CNBD1: variants seen among roughly 807,000 people sequenced by gnomAD.
The protein encoded by CNBD1 is cyclic nucleotide-binding domain-containing protein 1.
A neutral mutation model predicts 54.4 loss-of-function variants in CNBD1; 71 were observed. The observed-to-expected ratio is 1.30, with a 90% CI of 1.08 to 1.59. The LOEUF (loss-of-function observed/expected upper bound fraction) is 1.59, where lower values mean the gene tolerates loss of function less well. Ranked by LOEUF, CNBD1 falls within the 40% of genes most tolerant of loss-of-function variation. CNBD1 has a pLI of 0.00. For synonymous variants in CNBD1, 182 were observed against 170.7 expected, an observed-to-expected ratio of 1.07 and a Z score of -0.51; for missense variants, 659 against 518.0, an observed-to-expected ratio of 1.27 and a Z score of -2.64.
At chr8:87,403,852 C>T (rs1043978110) in intron 2 of CNBD1, among the ~76,000 whole-genome samples, 3 of 151,846 alleles carry the variant, frequency 2.0e-5, no homozygotes, top group Non-Finnish European at 4.4e-5. Context: ...ATGCATTTCA[C>T]GTAAGGAAAA....
intron 4 of CNBD1, among the ~76,000 whole-genome samples, chr8:87,197,545 A>C (rs1395396557): frequency 6.6e-6 from 1 of 152,134 alleles, no homozygotes; most frequent in Non-Finnish European, 1.5e-5. Context: ...ACAGGAGGTG[A>C]AATGGGTGTT....
intron 2 of CNBD1, among the ~76,000 whole-genome samples, chr8:87,425,565 G>T (rs1301004328): frequency 3.9e-5 from 6 of 152,046 alleles, no homozygotes; most frequent in Non-Finnish European, 5.9e-5. Context: ...CAGGTCTGTT[G>T]GAGTACCCTG....
rs561344665 is a variant in CNBD1, at chr8:87,155,396, A to C, written c.432-50597A>C. On this transcript the variant is annotated intron_variant, in intron 4 of 10. Coordinates refer to ENST00000518476, the MANE Select transcript of CNBD1 (RefSeq NM_173538.3). ...GTGTAGAAGATATATTAAAGGAGGA[A>C]TAAATAGAGTCTGAGAAACCAATCT... is the stretch of plus-strand genomic sequence containing the variant. Among the ~76,000 whole-genome samples the C allele has an allele frequency of 8.5e-5, 13 of 152,324 alleles. No individual in the cohort carries two copies. The South Asian group carries it at 2.7e-3, about 32-fold the overall frequency.
intron 3 of CNBD1, among the ~76,000 whole-genome samples, chr8:86,920,947 A>G (rs959775911): frequency 1.3e-5 from 2 of 152,112 alleles, no homozygotes; most frequent in African/African-American, 4.8e-5. Flanking sequence ...TAGATGGCCT[A>G]TAAATTCTCT....
intron 10 of CNBD1, among the ~76,000 whole-genome samples, chr8:87,375,051 T>C (rs1810897080): frequency 6.6e-6 from 1 of 151,928 alleles, no homozygotes; most frequent in South Asian, 2.1e-4. Flanking sequence ...TTAACATTTA[T>C]AAATCTTCCA....
At chr8:87,284,639 G>A (rs1285022104) in intron 6 of CNBD1, 39 bp from the exon 7 acceptor site, 3 of 1,549,712 alleles carry the variant, frequency 1.9e-6, no homozygotes, top group Non-Finnish European at 2.6e-6. Flanking sequence ...ATGTTGATGA[G>A]TGGTAATAAA....
At chr8:87,278,457 T>A (rs994739583) in intron 6 of CNBD1, among the ~76,000 whole-genome samples, 3 of 151,508 alleles carry the variant, frequency 2.0e-5, no homozygotes, top group African/African-American at 7.3e-5. Context: ...CAAGGTAAAT[T>A]TTAATGAACT....
chr8:87,247,482 A>G (rs778811494), intron 6 of CNBD1, among the ~76,000 whole-genome samples: 1 of 152,198 alleles, frequency 6.6e-6, no homozygotes, highest in Non-Finnish European at 1.5e-5. Flanking sequence ...GAATGCAATT[A>G]CTTTATCTGA....
chr8:87,190,420 T>C (rs1813576456), intron 4 of CNBD1, among the ~76,000 whole-genome samples: 2 of 152,178 alleles, frequency 1.3e-5, no homozygotes, highest in Non-Finnish European at 2.9e-5. Flanking sequence ...TCTGAGCTGA[T>C]TCCTCCATGC....
At chr8:87,256,993 A>G (rs181837488) in intron 6 of CNBD1, among the ~76,000 whole-genome samples, 1 of 152,198 alleles carries the variant, frequency 6.6e-6, no homozygotes, top group African/African-American at 2.4e-5. Flanking sequence ...TGGTGAAAAT[A>G]TACTGTAACA....
intron 4 of CNBD1, among the ~76,000 whole-genome samples, chr8:86,953,764 G>T (rs898113522): frequency 6.6e-6 from 1 of 152,136 alleles, no homozygotes. Flanking sequence ...CTACTCAGGA[G>T]GCTGAGGCGG....
intron 1 of CNBD1, among the ~76,000 whole-genome samples, chr8:86,872,005 T>C (rs1381070200): frequency 6.6e-6 from 1 of 152,232 alleles, no homozygotes; most frequent in African/African-American, 2.4e-5. Flanking sequence ...TTTCAGTGAC[T>C]GCTCATCAGG....
intron 4 of CNBD1, among the ~76,000 whole-genome samples, chr8:86,967,551 C>T (rs923529249): frequency 3.9e-5 from 6 of 152,250 alleles, no homozygotes; most frequent in Non-Finnish European, 4.4e-5. Flanking sequence ...TCTTCTATCT[C>T]AGAGATTCTT....
At chr8:87,131,663 C>T (rs1039942034) in intron 4 of CNBD1, among the ~76,000 whole-genome samples, 3 of 151,798 alleles carry the variant, frequency 2.0e-5, no homozygotes, top group African/African-American at 7.3e-5. Context: ...TTCTTTGATT[C>T]GTACATCTTT....
At chr8:86,950,521 T>C (rs1056684714) in intron 4 of CNBD1, among the ~76,000 whole-genome samples, 3 of 152,228 alleles carry the variant, frequency 2.0e-5, no homozygotes, top group Admixed American at 6.5e-5. Context: ...ATGATATTTT[T>C]AATGCATTGT....
At chr8:86,954,711 G>A (rs1807715328) in intron 4 of CNBD1, among the ~76,000 whole-genome samples, 1 of 152,112 alleles carries the variant, frequency 6.6e-6, no homozygotes, top group Non-Finnish European at 1.5e-5. Context: ...GAAATACCTG[G>A]TAAGTTATTT....
downstream of CNBD1, among the ~76,000 whole-genome samples, chr8:87,383,040 A>G (rs1191095478): frequency 1.3e-5 from 2 of 151,980 alleles, no homozygotes; most frequent in African/African-American, 2.4e-5. Flanking sequence ...GCCTTTTGGG[A>G]TTAAAAAAAA....
chr8:87,174,504 GT>G (rs1412590019), intron 4 of CNBD1, among the ~76,000 whole-genome samples: 3 of 152,004 alleles, frequency 2.0e-5, no homozygotes, highest in Non-Finnish European at 4.4e-5. Flanking sequence ...ATTTCTTTAA[GT>G]TTCCTCAAAT....
At chr8:86,966,524 A>T (rs2130481520) in intron 4 of CNBD1, among the ~76,000 whole-genome samples, 1 of 152,046 alleles carries the variant, frequency 6.6e-6, no homozygotes, top group Admixed American at 6.5e-5. Context: ...GAAGCCGCAG[A>T]CCTTTGCAGT....
Sources: allele counts gnomAD v4.1 joint callset (sites outside exome capture counted in the v4.1 genomes callset), GRCh38; gene constraint gnomAD v4.1.1; transcripts MANE v1.5; gene names NCBI Gene and HGNC (gene_info 2026-07-23, HGNC 2026-07-21).